Variants in SPG11 observed in about 807,000 individuals in gnomAD.
The protein encoded by SPG11 is SPG11 vesicle trafficking associated, spatacsin, also known as spatacsin.
Under a neutral mutation model 274.0 loss-of-function variants are expected in SPG11, and 222 were observed. The ratio of observed to expected loss-of-function variants is 0.81; its 90% CI spans 0.73 to 0.91. The LOEUF is 0.91. SPG11 is among the 40% of genes least tolerant of loss of function. SPG11 has a pLI of 0.00. For missense variants in SPG11, 3,114 were observed against 2,872.7 expected, an observed-to-expected ratio of 1.08 and a Z score of -1.92; for synonymous variants, 1,144 against 1,039.7, an observed-to-expected ratio of 1.10 and a Z score of -1.93.
intron 28 of SPG11, among the ~76,000 whole-genome samples, chr15:44,587,712 A>C (rs552283603): frequency 1.6e-4 from 24 of 151,100 alleles, no homozygotes; most frequent in East Asian, 3.9e-4. Flanking sequence ...AAAAAAAAAA[A>C]AAAAAAAACG....
chr15:44,648,028 G>T (rs2084654601), intron 7 of SPG11, among the ~76,000 whole-genome samples: 1 of 152,120 alleles, frequency 6.6e-6, no homozygotes, highest in African/African-American at 2.4e-5. Flanking sequence ...TTATTAACAT[G>T]GCTCTGGGTC....
intron 37 of SPG11, 21 bp downstream of exon 37, chr15:44,566,196 T>G: frequency 6.2e-7 from 1 of 1,613,676 alleles, no homozygotes. Context: ...AAGGCCAGTC[T>G]GAAAAAAGCC....
At chr15:44,565,736 A>C in intron 38 of SPG11, 118 bp downstream of exon 38, 1 of 1,295,156 alleles carries the variant, frequency 7.7e-7, no homozygotes, top group Non-Finnish European at 1.1e-6. Flanking sequence ...GAGTTAAATC[A>C]GAACTGTACT....
At position 44,564,582 on chromosome 15, in the gene SPG11, T is replaced by C. The variant is rs1595815286; in HGVS notation, c.7116A>G (p.Leu2372=). 6.2e-7 allele frequency: 1 copy of C among 1,614,090 alleles called. No individual in the cohort carries two copies. Among genetic ancestry groups the C allele is most frequent in the Non-Finnish European group, 8.5e-7 (1 of 1,179,944 alleles). ...TCTCTTCAAATATACTGGACTTTAA[T>C]AACCTTTGCTGCTTAAATTCTTCCA... ...NYLEEFKQQR[L]LKSSIFEEIS... The change falls in exon 39 of 40, where the codon TTA becomes TTG. Residue 2372 remains leucine (L), a synonymous_variant. Coordinates refer to ENST00000261866, the MANE Select transcript of SPG11 (RefSeq NM_025137.4).
At chr15:44,643,710 C>T (rs948984110) in intron 7 of SPG11, among the ~76,000 whole-genome samples, 12 of 152,102 alleles carry the variant, frequency 7.9e-5, no homozygotes, top group Middle Eastern at 3.4e-3. Flanking sequence ...AACACTTTTG[C>T]GTTTCAAAGG....
intron 2 of SPG11, 106 bp downstream of exon 2, chr15:44,660,326 A>G: frequency 1.0e-6 from 1 of 971,724 alleles, no homozygotes; most frequent in South Asian, 1.3e-5. Flanking sequence ...CTACTATATC[A>G]GACAGCGTAG....
Position 44,573,858 on chromosome 15 carries a change from T to G in SPG11, c.6007-113A>C. 8 of 956,484 alleles carry G rather than the reference T, an allele frequency of 8.4e-6. No homozygotes were observed. The South Asian group carries it at 1.1e-4, about 13-fold the overall frequency. 59.2% of individuals were successfully genotyped at this position (956,484 alleles called of 1,614,324 possible). A position where few individuals can be genotyped will look rare whatever the true frequency, so the allele number is the denominator to read the frequency against. ...TCCACTGTATTCTGAGCTTACAGAC[T>G]CCTCACCCTCAGCAGGAACCTTAGA... is the stretch of plus-strand genomic sequence containing the variant. On this transcript the variant is annotated intron_variant, in intron 31 of 39. Coordinates refer to ENST00000261866, the MANE Select transcript of SPG11 (RefSeq NM_025137.4).
chr15:44,564,273 A>G (rs1427350529), intron 39 of SPG11, among the ~76,000 whole-genome samples: 2 of 152,192 alleles, frequency 1.3e-5, no homozygotes, highest in Non-Finnish European at 2.9e-5. Flanking sequence ...GATTACAGGC[A>G]TGAGCCACTG....
chr15:44,660,830 TA>T (rs1052210793), intron 1 of SPG11, among the ~76,000 whole-genome samples: 1 of 152,068 alleles, frequency 6.6e-6, no homozygotes, highest in Admixed American at 6.6e-5. Context: ...GAGTGGGTGG[TA>T]AAAAACAAAA....
At chr15:44,635,799 C>A (rs2141062877) in intron 7 of SPG11, among the ~76,000 whole-genome samples, 1 of 151,772 alleles carries the variant, frequency 6.6e-6, no homozygotes, top group South Asian at 2.1e-4. Flanking sequence ...CACCTGCAGT[C>A]CCAGCTATTT....
At chr15:44,577,150 C>T (rs561487203) in intron 30 of SPG11, among the ~76,000 whole-genome samples, 5 of 151,886 alleles carry the variant, frequency 3.3e-5, no homozygotes, top group Admixed American at 6.6e-5. Flanking sequence ...TTACTTTATG[C>T]GTTTCTATGT....
At position 44,584,055 on chromosome 15, in the gene SPG11, C is replaced by T. The variant is rs2082707714; in HGVS notation, c.5625G>A (p.Gln1875=). The T allele has an allele frequency of 1.2e-6, 2 of 1,614,220 alleles. No individual in the cohort carries two copies. Among genetic ancestry groups the T allele is most frequent in the Admixed American group, 1.7e-5 (1 of 60,032 alleles). The change falls in exon 30 of 40, where the codon CAG becomes CAA. Residue 1875 remains glutamine (Q), a synonymous_variant. Coordinates refer to ENST00000261866, the MANE Select transcript of SPG11 (RefSeq NM_025137.4). The part of the protein sequence containing the change: ...TCENRLDWKE[Q]ESLNFLIGRL... The stretch of plus-strand genomic sequence containing the variant: ...GCCCAATCAAAAAGTTTAGTGACTC[C>T]TGCTCTTTCCAATCCAATCTATTCT...
chr15:44,582,806 T>C (rs1233154317), intron 30 of SPG11, among the ~76,000 whole-genome samples: 1 of 151,252 alleles, frequency 6.6e-6, no homozygotes, highest in Admixed American at 6.6e-5. Flanking sequence ...AGCAATAACA[T>C]GACAAAATTC....
rs745716037 is a variant in SPG11 at position 44,583,862 on chromosome 15, G to A, written c.5818C>T (p.Leu1940=). 5.6e-6 allele frequency: 9 copies of A among 1,614,082 alleles called. No individual in the cohort carries two copies. Among genetic ancestry groups the A allele is most frequent in the Middle Eastern group, 1.6e-4 (1 of 6,084 alleles). Residue 1940 remains leucine, a synonymous_variant, in exon 30 of 40, where the codon CTG becomes TTG. Coordinates refer to ENST00000261866, the MANE Select transcript of SPG11 (RefSeq NM_025137.4). Reference sequence around the variant, plus strand: ...ATGTCGGGTGCTTCTTCCTCAAGCAGCTCAGCACTTTGTAGGAGAGCATGG... The same window carrying A: ...ATGTCGGGTGCTTCTTCCTCAAGCAACTCAGCACTTTGTAGGAGAGCATGG... The part of the protein sequence containing the change: ...EIHALLQSAE[L]LEEEAPDIPL...
In SPG11 at chr15:44,659,060, C is replaced by T. The variant is rs767549365; in HGVS notation, c.667+19G>A. On this transcript the variant is annotated intron_variant, in intron 3 of 39. Coordinates refer to ENST00000261866, the MANE Select transcript of SPG11 (RefSeq NM_025137.4). ...CTTCTCCTCTACGTATCAATCAACACTTCTACCACCAAGGATACAGATCCA... is the reference window on the plus strand; with the variant it reads ...CTTCTCCTCTACGTATCAATCAACATTTCTACCACCAAGGATACAGATCCA... 4.1e-5 allele frequency: 66 copies of T among 1,611,526 alleles called. No homozygotes were observed. Among genetic ancestry groups the T allele is most frequent in the Non-Finnish European group, 5.6e-5 (66 of 1,177,706 alleles).
chr15:44,598,694 T>G lies in SPG11; in HGVS notation c.3829A>C (p.Ile1277Leu), dbSNP rs2083106933. 1.2e-6 allele frequency: 2 copies of G among 1,614,230 alleles called. No homozygotes were observed. Among genetic ancestry groups the G allele is most frequent in the Non-Finnish European group, 1.7e-6 (2 of 1,180,044 alleles). Residue 1277 changes from isoleucine to leucine, a missense_variant, in exon 22 of 40, where the codon ATA becomes CTA. Transcript: ENST00000261866. The stretch of plus-strand genomic sequence containing the variant: ...TTTCTGCACTTGTAGCTCAAAATTA[T>G]ATTGGCCACTTTCATATCAACTCTG... ...KLRVDMKVANIILSYKCRNED... is the reference protein window; with the variant it reads ...KLRVDMKVANLILSYKCRNED...
intron 30 of SPG11, among the ~76,000 whole-genome samples, chr15:44,577,586 C>T (rs1356343449): frequency 1.3e-5 from 2 of 151,812 alleles, no homozygotes; most frequent in Non-Finnish European, 1.5e-5. Flanking sequence ...CATGCTATTC[C>T]CCTGCTTAAA....
At chr15:44,616,720 T>C (rs1451003322) in intron 15 of SPG11, among the ~76,000 whole-genome samples, 1 of 152,192 alleles carries the variant, frequency 6.6e-6, no homozygotes, top group Non-Finnish European at 1.5e-5. Flanking sequence ...TATACCATAT[T>C]TATCCACTCT....
chr15:44,570,619 A>AGGGTGAAGCAATGATG lies in SPG11; in HGVS notation c.6367_6382dup (p.Leu2128ProfsTer26). The AGGGTGAAGCAATGATG allele has an allele frequency of 6.2e-7, 1 of 1,614,072 alleles. No homozygotes were observed. The highest frequency in any genetic ancestry group is 8.5e-7 in the Non-Finnish European group (1 of 1,179,978). ...GATGATGCCCTCCATGTGGCACGTC[A>AGGGTGAAGCAATGATG]GGGTGAAGCAATGATGGGCCAGGAT... On this transcript the variant is annotated frameshift_variant, in exon 34 of 40. Coordinates refer to ENST00000261866, the MANE Select transcript of SPG11 (RefSeq NM_025137.4). LOFTEE classifies it high-confidence loss of function.
Sources: allele counts gnomAD v4.1 joint callset (sites outside exome capture counted in the v4.1 genomes callset), GRCh38; gene constraint gnomAD v4.1.1; transcripts MANE v1.5; gene names NCBI Gene and HGNC (gene_info 2026-07-23, HGNC 2026-07-21).